CYRIA: variants seen among roughly 807,000 people sequenced by gnomAD.
The protein encoded by CYRIA is CYFIP related Rac1 interactor A, also known as CYFIP-related Rac1 interactor A.
Under a neutral mutation model 43.9 loss-of-function variants are expected in CYRIA, and 15 were observed. That is an observed-to-expected ratio of 0.34 (90% CI 0.23 to 0.53). The LOEUF (loss-of-function observed/expected upper bound fraction) is 0.53, where lower values mean the gene tolerates loss of function less well. Among genes scored for constraint, CYRIA ranks in the 20% least tolerant of loss-of-function variants. The probability of loss-of-function intolerance (pLI) is 0.94; values close to 1 mark genes in which losing one functional copy is unlikely to be tolerated. For missense variants in CYRIA, 236 were observed against 394.2 expected, an observed-to-expected ratio of 0.60 and a Z score of 3.40; for synonymous variants, 117 against 136.0, an observed-to-expected ratio of 0.86 and a Z score of 0.97.
At chr2:16,606,468 A>G (rs994797056) in intron 2 of CYRIA, among the ~76,000 whole-genome samples, 2 of 151,820 alleles carry the variant, frequency 1.3e-5, no homozygotes, top group Admixed American at 6.6e-5. Context: ...GTCTCTGAAC[A>G]TGTTACAGGG....
At chr2:16,553,068 C>T (rs1328742770) in intron 11 of CYRIA, 69 bp from the exon 12 acceptor site, 5 of 947,166 alleles carry the variant, frequency 5.3e-6, no homozygotes, top group South Asian at 3.9e-5. Flanking sequence ...CCCATCTTTA[C>T]CTTCGGAAAC....
chr2:16,609,996 G>A (rs527380127), intron 2 of CYRIA, among the ~76,000 whole-genome samples: 1 of 152,198 alleles, frequency 6.6e-6, no homozygotes, highest in Non-Finnish European at 1.5e-5. Flanking sequence ...TGGTACTCAG[G>A]GATTTTGGCA....
chr2:16,620,055 G>A (rs375547111), intron 2 of CYRIA, among the ~76,000 whole-genome samples: 3 of 152,130 alleles, frequency 2.0e-5, no homozygotes, highest in East Asian at 1.9e-4. Context: ...TCTTTGTCAC[G>A]TGATTAGAAA....
At chr2:16,567,445 C>A (rs1280006395) in intron 3 of CYRIA, among the ~76,000 whole-genome samples, 1 of 151,984 alleles carries the variant, frequency 6.6e-6, no homozygotes, top group Non-Finnish European at 1.5e-5. Context: ...AACAAAAAAA[C>A]AAAAGACAGA....
At chr2:16,629,961 AG>A (rs1001150456) in intron 1 of CYRIA, among the ~76,000 whole-genome samples, 2 of 152,198 alleles carry the variant, frequency 1.3e-5, no homozygotes, top group African/African-American at 4.8e-5. Context: ...GCATGGAAGA[AG>A]CCCAGAGACC....
intron 3 of CYRIA, among the ~76,000 whole-genome samples, chr2:16,570,408 G>T (rs1439868812): frequency 6.6e-6 from 1 of 152,118 alleles, no homozygotes; most frequent in Non-Finnish European, 1.5e-5. Flanking sequence ...CACTAATAGG[G>T]TATTTGTTGA....
At chr2:16,601,687 A>T (rs1027845091) in intron 2 of CYRIA, among the ~76,000 whole-genome samples, 2 of 148,272 alleles carry the variant, frequency 1.3e-5, no homozygotes, top group Admixed American at 1.4e-4. Context: ...TTAAGAAATA[A>T]TTCTCTAGTC....
chr2:16,555,697 A>G (rs1666483341), intron 10 of CYRIA, among the ~76,000 whole-genome samples: 1 of 152,112 alleles, frequency 6.6e-6, no homozygotes, highest in Admixed American at 6.5e-5. Context: ...AGGTAGAAGC[A>G]ACCAACACCT....
At chr2:16,632,491 CAG>C (rs1463040928) in intron 1 of CYRIA, among the ~76,000 whole-genome samples, 6 of 152,126 alleles carry the variant, frequency 3.9e-5, no homozygotes, top group East Asian at 3.9e-4. Context: ...ATGTGAGCCT[CAG>C]AGGCAATGAT....
chr2:16,665,087 G>A (rs935769717), intron 1 of CYRIA, among the ~76,000 whole-genome samples: 3 of 152,220 alleles, frequency 2.0e-5, no homozygotes, highest in Non-Finnish European at 4.4e-5. Flanking sequence ...CATTTTGACA[G>A]AGAATGTCTC....
In CYRIA at chr2:16,588,129, C is replaced by T. The variant is rs750128359; in HGVS notation, c.-10G>A. 14 of 1,599,206 alleles carry T rather than the reference C, an allele frequency of 8.8e-6. No individual in the cohort carries two copies. The highest frequency in any genetic ancestry group is 2.7e-5 in the African/African-American group (2 of 74,064). On this transcript the variant is annotated splice_region_variant and 5_prime_UTR_variant, in exon 3 of 12. Transcript: ENST00000381323. Reference sequence around the variant, plus strand: ...TGAGCAGGTTTCCCATCCCAGCAAACCTAGGAAAGGCAACACAAAACCAAA... The same window carrying T: ...TGAGCAGGTTTCCCATCCCAGCAAATCTAGGAAAGGCAACACAAAACCAAA...
intron 2 of CYRIA, among the ~76,000 whole-genome samples, chr2:16,619,524 CA>C (rs1400600222): frequency 2.6e-5 from 4 of 152,146 alleles, no homozygotes; most frequent in Admixed American, 1.3e-4. Context: ...TGCATTTTAC[CA>C]CCAGAGAGCT....
At chr2:16,657,689 A>T (rs900781824) in intron 1 of CYRIA, among the ~76,000 whole-genome samples, 8 of 152,170 alleles carry the variant, frequency 5.3e-5, no homozygotes, top group Admixed American at 5.2e-4. Flanking sequence ...TTTCTGCAAG[A>T]TCCACAAAAC....
intron 3 of CYRIA, among the ~76,000 whole-genome samples, chr2:16,569,383 T>C (rs1319302663): frequency 6.6e-6 from 1 of 152,202 alleles, no homozygotes; most frequent in Non-Finnish European, 1.5e-5. Flanking sequence ...TGGGATGCGG[T>C]AGGAGAAAGC....
At chr2:16,565,839 G>C in intron 3 of CYRIA, 72 bp from the exon 4 acceptor site, 1 of 1,376,068 alleles carries the variant, frequency 7.3e-7, no homozygotes, top group Non-Finnish European at 9.7e-7. Flanking sequence ...TGGATATTCA[G>C]TTTTACCTGC....
chr2:16,643,143 A>G (rs1178434568), intron 1 of CYRIA, among the ~76,000 whole-genome samples: 1 of 151,302 alleles, frequency 6.6e-6, no homozygotes, highest in Admixed American at 6.6e-5. Context: ...GTTATTATTT[A>G]GTATCTACAT....
chr2:16,619,501 G>T (rs1428893596), intron 2 of CYRIA, among the ~76,000 whole-genome samples: 2 of 152,146 alleles, frequency 1.3e-5, no homozygotes, highest in African/African-American at 4.8e-5. Context: ...GCAGACTCAG[G>T]TCTCTGTAAA....
At chr2:16,593,707 TGTG>T (rs565098391) in intron 2 of CYRIA, among the ~76,000 whole-genome samples, 8,250 of 94,492 alleles carry the variant, frequency 0.087, 418 homozygotes, top group Middle Eastern at 0.11. Context: ...TGTTTTTTTT[TGTG>T]TGTGTGTGTT....
At chr2:16,565,989 A>T (rs1379723140) in intron 3 of CYRIA, among the ~76,000 whole-genome samples, 1 of 152,206 alleles carries the variant, frequency 6.6e-6, no homozygotes, top group Non-Finnish European at 1.5e-5. Context: ...TTATAGTCAT[A>T]AAACAAGCAC....
Sources: gnomAD v4.1 joint callset for allele counts (sites outside exome capture counted in the v4.1 genomes callset) on GRCh38, gnomAD v4.1.1 for gene constraint, MANE v1.5 for transcripts, NCBI Gene and HGNC (gene_info 2026-07-23, HGNC 2026-07-21) for gene names.